RERE: variants seen among roughly 807,000 people sequenced by gnomAD.
The protein encoded by RERE is arginine-glutamic acid dipeptide repeats protein.
A neutral mutation model predicts 146.1 loss-of-function variants in RERE; 40 were observed. The ratio of observed to expected loss-of-function variants is 0.27; its 90% CI spans 0.21 to 0.36. The LOEUF (loss-of-function observed/expected upper bound fraction) is 0.36, where lower values mean the gene tolerates loss of function less well. Among genes scored for constraint, RERE ranks in the 10% least tolerant of loss-of-function variants. The pLI, the probability that RERE is intolerant of heterozygous loss-of-function variation, is 1.00. For missense variants in RERE, 1,933 were observed against 2,138.7 expected (o/e 0.90, Z 1.90); for synonymous variants, 1,003 against 866.0 (o/e 1.16, Z -2.78).
At chr1:8,790,603 TAC>T (rs1156808310) in intron 1 of RERE, among the ~76,000 whole-genome samples, 1 of 152,198 alleles carries the variant, frequency 6.6e-6, no homozygotes, top group Non-Finnish European at 1.5e-5. Flanking sequence ...AGGCTTTACT[TAC>T]AGAGTCTTGC....
chr1:8,619,210 T>C (rs1646889766), intron 3 of RERE, among the ~76,000 whole-genome samples: 1 of 152,158 alleles, frequency 6.6e-6, no homozygotes, highest in African/African-American at 2.4e-5. Context: ...ACACAAATGA[T>C]ACAGCGGCAT....
At chr1:8,367,726 T>C (rs1641869260) in intron 12 of RERE, among the ~76,000 whole-genome samples, 1 of 152,044 alleles carries the variant, frequency 6.6e-6, no homozygotes, top group Non-Finnish European at 1.5e-5. Context: ...CTGGCTCCTC[T>C]CCCCCATGCT....
rs58647657 is a variant in RERE at position 8,507,737 on chromosome 1, C to CTTTTTTTTTTTT, written c.879+878_879+889dup. Among the ~76,000 whole-genome samples, 316 of 85,938 alleles carry CTTTTTTTTTTTT rather than the reference C, an allele frequency of 3.7e-3. 45 individuals are homozygous for CTTTTTTTTTTTT. Among genetic ancestry groups the CTTTTTTTTTTTT allele is most frequent in the African/African-American group, 0.014 (283 of 20,028 alleles). The allele number at this position is 85,938 out of a possible 152,430, so 56.4% of individuals were successfully genotyped here. On this transcript the variant is annotated intron_variant, in intron 8 of 22. Transcript: ENST00000400908. ...AAAAGAGGTTTTAAACATCTTTTATCTTTTTTTTTTTTTTTTTTTGAGACA... is the reference window on the plus strand; with the variant it reads ...AAAAGAGGTTTTAAACATCTTTTATCTTTTTTTTTTTTTTTTTTTTTTTTTTTTTTTGAGACA...
chr1:8,393,361 C>G (rs932476477), intron 12 of RERE, among the ~76,000 whole-genome samples: 1 of 152,110 alleles, frequency 6.6e-6, no homozygotes, highest in African/African-American at 2.4e-5. Flanking sequence ...TGACTGGGGG[C>G]CCAAAGCCAG....
chr1:8,664,891 G>T (rs1314259068), intron 1 of RERE, among the ~76,000 whole-genome samples: 1 of 152,136 alleles, frequency 6.6e-6, no homozygotes, highest in Non-Finnish European at 1.5e-5. Flanking sequence ...CAGCCAGGGT[G>T]TTCCTTTAAA....
intron 1 of RERE, among the ~76,000 whole-genome samples, chr1:8,779,601 T>G (rs1472544870): frequency 1.3e-5 from 2 of 151,628 alleles, no homozygotes; most frequent in Non-Finnish European, 2.9e-5. Flanking sequence ...AGGCGGAGGT[T>G]GCAATGAGCC....
chr1:8,489,051 GA>G (rs1031220743), intron 10 of RERE, among the ~76,000 whole-genome samples: 1 of 151,922 alleles, frequency 6.6e-6, no homozygotes, highest in Non-Finnish European at 1.5e-5. Flanking sequence ...CAACATTAAG[GA>G]AAAAAAGTCA....
chr1:8,770,018 G>A (rs1378316758), intron 1 of RERE, among the ~76,000 whole-genome samples: 3 of 152,036 alleles, frequency 2.0e-5, no homozygotes, highest in African/African-American at 4.8e-5. Flanking sequence ...TTGAACTCCC[G>A]ACCTCAGGTA....
intron 6 of RERE, among the ~76,000 whole-genome samples, chr1:8,552,920 T>C (rs1486326758): frequency 4.4e-5 from 6 of 136,098 alleles, no homozygotes; most frequent in East Asian, 4.6e-4. Context: ...GCCAGTGCGT[T>C]CACACACACG....
chr1:8,803,593 T>C lies in RERE; in HGVS notation c.-145+13567A>G, dbSNP rs182535835. On this transcript the variant is annotated intron_variant, in intron 1 of 22. Coordinates refer to ENST00000400908, the MANE Select transcript of RERE (RefSeq NM_001042681.2). ...AGGGGAAGGTTGGTCTGGTTTTCTGTTTTTTTGAGACAGAGTCTCACTCTG... is the reference window on the plus strand; with the variant it reads ...AGGGGAAGGTTGGTCTGGTTTTCTGCTTTTTTGAGACAGAGTCTCACTCTG... Among the ~76,000 whole-genome samples the C allele has an allele frequency of 4.7e-3, 719 of 152,252 alleles. 3 individuals are homozygous for C. The highest frequency in any genetic ancestry group is 0.017 in the African/African-American group (693 of 41,560).
At chr1:8,556,780 G>A (rs1557685430) in intron 5 of RERE, among the ~76,000 whole-genome samples, 1 of 152,034 alleles carries the variant, frequency 6.6e-6, no homozygotes, top group Admixed American at 6.5e-5. Context: ...GTATCTTCTT[G>A]GCTATGTTTT....
At chr1:8,756,239 C>A (rs1640637100) in intron 1 of RERE, among the ~76,000 whole-genome samples, 1 of 152,154 alleles carries the variant, frequency 6.6e-6, no homozygotes, top group African/African-American at 2.4e-5. Flanking sequence ...AACTAATTCA[C>A]AAAACAATTA....
chr1:8,668,979 G>T (rs1489486639), intron 1 of RERE, among the ~76,000 whole-genome samples: 5 of 35,864 alleles, frequency 1.4e-4, no homozygotes, highest in Non-Finnish European at 2.9e-4. Context: ...TTTTAAGACA[G>T]GGTCTCACTC....
rs547477301 is a variant in RERE, at chr1:8,715,394, C to T, written c.-144-58953G>A. On this transcript the variant is annotated intron_variant, in intron 1 of 22. Transcript: ENST00000400908. ...GGCGTGGTGGCAGGCGCCTGTAATC[C>T]GTGCTACTGGGGAGGCTGAGGCAGG... Among the ~76,000 whole-genome samples the T allele has an allele frequency of 8.5e-4, 129 of 151,788 alleles. 1 individual carries two copies. Among genetic ancestry groups the T allele is most frequent in the African/African-American group, 1.2e-3 (48 of 41,386 alleles).
chr1:8,366,276 G>A (rs948731254), intron 12 of RERE, among the ~76,000 whole-genome samples: 1 of 152,336 alleles, frequency 6.6e-6, no homozygotes, highest in East Asian at 1.9e-4. Context: ...GTACACATGG[G>A]AGGTACACAT....
chr1:8,399,090 T>C (rs1643158344), intron 12 of RERE, among the ~76,000 whole-genome samples: 1 of 152,072 alleles, frequency 6.6e-6, no homozygotes, highest in African/African-American at 2.4e-5. Context: ...ACTGCTTGTG[T>C]CTATTATAGA....
At chr1:8,690,708 T>G (rs2124417127) in intron 1 of RERE, among the ~76,000 whole-genome samples, 2 of 152,322 alleles carry the variant, frequency 1.3e-5, no homozygotes, top group Admixed American at 1.3e-4. Context: ...TCACACAGGC[T>G]ACAAAGCCTT....
intron 1 of RERE, among the ~76,000 whole-genome samples, chr1:8,678,223 T>C (rs1269354099): frequency 6.6e-6 from 1 of 152,214 alleles, no homozygotes. Flanking sequence ...TTTTCATTAT[T>C]CACTAACAAG....
chr1:8,793,016 G>A (rs1641391561), intron 1 of RERE, among the ~76,000 whole-genome samples: 1 of 152,058 alleles, frequency 6.6e-6, no homozygotes, highest in Admixed American at 6.5e-5. Context: ...AATTAGCTGG[G>A]CATGGTGGCG....
Sources: allele counts gnomAD v4.1 joint callset (sites outside exome capture counted in the v4.1 genomes callset), GRCh38; gene constraint gnomAD v4.1.1; transcripts MANE v1.5; gene names NCBI Gene and HGNC (gene_info 2026-07-23, HGNC 2026-07-21).